Variants in CLTCL1 observed in about 807,000 individuals in gnomAD.
CLTCL1 encodes clathrin heavy chain 2.
A neutral mutation model predicts 190.0 loss-of-function variants in CLTCL1; 159 were observed. The observed-to-expected ratio is 0.84, with a 90% CI of 0.74 to 0.95. The LOEUF (loss-of-function observed/expected upper bound fraction) is 0.95, where lower values mean the gene tolerates loss of function less well. Ranked by LOEUF, CLTCL1 falls within the 40% of genes least tolerant of loss-of-function variation. The pLI, the probability that CLTCL1 is intolerant of heterozygous loss-of-function variation, is 0.00. For missense variants in CLTCL1, 1,878 were observed against 2,033.4 expected (o/e 0.92, Z 1.47); for synonymous variants, 752 against 769.6 (o/e 0.98, Z 0.38).
rs369242957 is a variant in CLTCL1 at position 19,225,511 on chromosome 22, G to A, written c.2070C>T (p.His690=). 6 of 1,587,210 alleles carry A rather than the reference G, an allele frequency of 3.8e-6. No individual in the cohort carries two copies. The highest frequency in any genetic ancestry group is 1.3e-5 in the African/African-American group (1 of 74,362). The change falls in exon 13 of 33, where the codon CAC becomes CAT. Residue 690 remains histidine (H), a synonymous_variant. Transcript: ENST00000427926. ...QLCVQVASKY[H]EQLGTQALVE... is the part of the protein sequence containing the mutation. ...CCAGGGCCTGCGTGCCCAGCTGCTC[G>A]TGGTACTTAGAGGCCACCTGCACAC... is the stretch of plus-strand genomic sequence containing the variant.
chr22:19,180,135 G>A (rs1380794087), intron 32 of CLTCL1, 64 bp downstream of exon 32: 9 of 1,433,752 alleles, frequency 6.3e-6, no homozygotes, highest in South Asian at 2.3e-5. Flanking sequence ...GGCAAGGAGC[G>A]TGGGGTCAGC....
At chr22:19,284,153 C>G (rs2087820774) in intron 1 of CLTCL1, among the ~76,000 whole-genome samples, 1 of 152,286 alleles carries the variant, frequency 6.6e-6, no homozygotes, top group East Asian at 1.9e-4. Flanking sequence ...ACATCAACTG[C>G]CTACATCAGT....
Position 19,179,844 on chromosome 22 carries a change from T to G in CLTCL1, c.*146A>C, listed in dbSNP as rs1291750824. 6.4e-6 allele frequency: 2 copies of G among 314,194 alleles called. No homozygotes were observed. Among genetic ancestry groups the G allele is most frequent in the African/African-American group, 4.2e-5 (2 of 47,214 alleles). The allele number at this position is 314,194 out of a possible 1,614,324, so 19.5% of individuals were successfully genotyped here. On this transcript the variant is annotated 3_prime_UTR_variant, in exon 33 of 33. Transcript: ENST00000427926. ...CATGCTCCTTGGAGAAGTTAGTAAC[T>G]CTGCAGGTAGGGTGGGTGGTGACAA...
Position 19,201,348 on chromosome 22 carries a change from C to T in CLTCL1, c.3746G>A (p.Ser1249Asn). Residue 1249 changes from serine (S) to asparagine (N), a missense_variant, in exon 23 of 33, where the codon AGC becomes AAC. Ser to Asn is a conservative substitution (Grantham distance 46, BLOSUM62 1). Transcript: ENST00000427926. The stretch of plus-strand genomic sequence containing the variant: ...GCTCACCTCCTTCCACGTCCGGGTG[C>T]TGCTGGCCTTGCGGCTGTTGTCCAC... ...AAVDNSRKAS[S>N]TRTWKEVCFA... The T allele has an allele frequency of 6.2e-7, 1 of 1,612,768 alleles. No individual in the cohort carries two copies. The highest frequency in any genetic ancestry group is 2.2e-5 in the East Asian group (1 of 44,868).
chr22:19,218,142 G>GA (rs1569183902), intron 18 of CLTCL1, among the ~76,000 whole-genome samples: 1 of 152,156 alleles, frequency 6.6e-6, no homozygotes, highest in African/African-American at 2.4e-5. Context: ...CAGAGATAAT[G>GA]AAAGACCAGC....
intron 1 of CLTCL1, among the ~76,000 whole-genome samples, chr22:19,279,462 T>A (rs2087631455): frequency 6.6e-6 from 1 of 152,230 alleles, no homozygotes; most frequent in South Asian, 2.1e-4. Context: ...AAGATAAGAC[T>A]GCTGCATCTG....
chr22:19,187,829 A>T, intron 28 of CLTCL1, 101 bp from the exon 29 acceptor site: 1 of 1,385,872 alleles, frequency 7.2e-7, no homozygotes, highest in Non-Finnish European at 1.0e-6. Context: ...CTATCAGCAC[A>T]GCCTTAGAAA....
intron 26 of CLTCL1, among the ~76,000 whole-genome samples, chr22:19,194,944 G>T (rs2084648565): frequency 6.6e-6 from 1 of 152,166 alleles, no homozygotes; most frequent in Non-Finnish European, 1.5e-5. Flanking sequence ...GAAGCATCAT[G>T]AATCACACAA....
intron 2 of CLTCL1, among the ~76,000 whole-genome samples, chr22:19,269,156 A>C (rs1376821042): frequency 4.6e-5 from 7 of 152,054 alleles, no homozygotes; most frequent in Non-Finnish European, 1.0e-4. Context: ...TAATCCCAGC[A>C]CTTTGGGAGG....
At chr22:19,190,752 A>G (rs71313911) in intron 27 of CLTCL1, among the ~76,000 whole-genome samples, 312 of 152,054 alleles carry the variant, frequency 2.1e-3, no homozygotes, top group African/African-American at 7.3e-3. Flanking sequence ...GACTTTCTCA[A>G]TGCAGGGTTA....
intron 3 of CLTCL1, among the ~76,000 whole-genome samples, chr22:19,252,743 G>A (rs180879653): frequency 1.8e-4 from 27 of 152,316 alleles, no homozygotes; most frequent in South Asian, 8.3e-4. Context: ...GGACGGGCGC[G>A]GTGGCTCACG....
In CLTCL1 at chr22:19,200,978, T is replaced by C. The variant is rs115430128; in HGVS notation, c.3765+351A>G. ...TACTTGAAGATGGATTCTGATATTA[T>C]CAGAGAGCCTCCAGACAATTTACCA... On this transcript the variant is annotated intron_variant, in intron 23 of 32. Coordinates refer to ENST00000427926, the MANE Select transcript of CLTCL1 (RefSeq NM_007098.4). Among the ~76,000 whole-genome samples the C allele has an allele frequency of 5.6e-3, 858 of 152,350 alleles. 10 individuals carry two copies. The highest frequency in any genetic ancestry group is 0.019 in the African/African-American group (771 of 41,576).
At chr22:19,233,048 T>C (rs782577918) in intron 9 of CLTCL1, 118 bp downstream of exon 9, 30 of 1,067,478 alleles carry the variant, frequency 2.8e-5, no homozygotes, top group East Asian at 1.7e-4. Context: ...AACAGCAACA[T>C]TGCCAACTCT....
chr22:19,243,290 G>A (rs1393695888), intron 3 of CLTCL1, among the ~76,000 whole-genome samples: 3 of 152,130 alleles, frequency 2.0e-5, no homozygotes, highest in Admixed American at 6.5e-5. Context: ...AGGTAATTTT[G>A]AAAATTGTGT....
In CLTCL1 at chr22:19,210,408, G is replaced by A. The variant is rs1555945840; in HGVS notation, c.3167C>T (p.Ala1056Val). ...CAGTGCGCTGCTGACAGCGATGCTC[G>A]CGATGTCCAGTGCGTCATAGTTGTC... ...RLDNYDALDIASIAVSSALYE... is the reference protein window; with the variant it reads ...RLDNYDALDIVSIAVSSALYE... The change falls in exon 20 of 33, where the codon GCG becomes GTG. Residue 1056 changes from alanine (A) to valine (V), a missense_variant. Physicochemically the swap from Ala to Val is moderately conservative, Grantham distance 64. Coordinates refer to ENST00000427926, the MANE Select transcript of CLTCL1 (RefSeq NM_007098.4). The A allele has an allele frequency of 3.7e-6, 6 of 1,613,880 alleles. No homozygotes were observed. Among genetic ancestry groups the A allele is most frequent in the East Asian group, 4.5e-5 (2 of 44,880 alleles).
intron 2 of CLTCL1, among the ~76,000 whole-genome samples, chr22:19,264,407 A>G (rs2087052720): frequency 6.6e-6 from 1 of 152,238 alleles, no homozygotes; most frequent in South Asian, 2.1e-4. Flanking sequence ...ATTAAAAATG[A>G]ATAATGATAT....
chr22:19,289,490 T>C (rs559410200), intron 1 of CLTCL1, among the ~76,000 whole-genome samples: 2 of 152,308 alleles, frequency 1.3e-5, no homozygotes, highest in South Asian at 2.1e-4. Flanking sequence ...AAAGCCAGAC[T>C]GCAGGTTACT....
At chr22:19,277,780 C>A (rs782143301) in intron 1 of CLTCL1, among the ~76,000 whole-genome samples, 7 of 152,172 alleles carry the variant, frequency 4.6e-5, no homozygotes, top group Non-Finnish European at 8.8e-5. Context: ...ACCTAGTTAT[C>A]CTACAATTTA....
rs1555937002 is a variant in CLTCL1, at chr22:19,198,323, C to T, written c.3873+1411G>A. Among the ~76,000 whole-genome samples the T allele has an allele frequency of 6.6e-6, 1 of 152,166 alleles. No homozygotes were observed. Among genetic ancestry groups the T allele is most frequent in the Non-Finnish European group, 1.5e-5 (1 of 68,034 alleles). On this transcript the variant is annotated intron_variant, in intron 24 of 32. Transcript: ENST00000427926. This position sits in a 1 kb window ranked among gnomAD's most constrained non-coding sequence, Gnocchi z 4.1. ...GAGTCACTGTCCCTTCTCGCCTAGA[C>T]CACTGCAACAGCCTCCAGCTGCTCT...
Sources: gnomAD v4.1 joint callset for allele counts (sites outside exome capture counted in the v4.1 genomes callset) on GRCh38, gnomAD v4.1.1 for gene constraint, Gnocchi (gnomAD v3.1) non-coding constraint, MANE v1.5 for transcripts, NCBI Gene and HGNC (gene_info 2026-07-23, HGNC 2026-07-21) for gene names.